Variants in SSBP3 observed in about 807,000 individuals in gnomAD.
The protein encoded by SSBP3 is single stranded DNA binding protein 3, also known as single-stranded DNA-binding protein 3.
SSBP3 carries 5 observed loss-of-function variants against 69.6 expected under a neutral mutation model. The ratio of observed to expected loss-of-function variants is 0.07; its 90% CI spans 0.04 to 0.15. SSBP3 has a LOEUF of 0.15. SSBP3 is among the 10% of genes least tolerant of loss of function. The pLI is 1.00. For missense variants in SSBP3, 312 were observed against 534.0 expected, an observed-to-expected ratio of 0.58 and a Z score of 4.10; for synonymous variants, 196 against 193.4, an observed-to-expected ratio of 1.01 and a Z score of -0.11.
chr1:54,261,780 G>A (rs1338247636), intron 5 of SSBP3, among the ~76,000 whole-genome samples: 2 of 152,202 alleles, frequency 1.3e-5, no homozygotes, highest in East Asian at 3.8e-4. Flanking sequence ...GATCAGGGCA[G>A]ATGGCACCCT....
chr1:54,305,221 G>C (rs968118276), intron 4 of SSBP3, among the ~76,000 whole-genome samples: 1 of 152,178 alleles, frequency 6.6e-6, no homozygotes, highest in Non-Finnish European at 1.5e-5. Context: ...CCTATGACGA[G>C]GAATAAAGAC....
intron 4 of SSBP3, among the ~76,000 whole-genome samples, chr1:54,313,126 G>C (rs1646034421): frequency 6.7e-6 from 1 of 149,584 alleles, no homozygotes; most frequent in Non-Finnish European, 1.5e-5. Context: ...GCTCTGATTT[G>C]TAGAAGTGAA....
At chr1:54,270,724 C>G (rs1645178472) in intron 5 of SSBP3, among the ~76,000 whole-genome samples, 3 of 152,196 alleles carry the variant, frequency 2.0e-5, no homozygotes, top group Admixed American at 2.0e-4. Context: ...TCTAAAGTCT[C>G]GAGAGCCAAC....
intron 5 of SSBP3, among the ~76,000 whole-genome samples, chr1:54,264,725 C>T (rs1354563194): frequency 6.6e-6 from 1 of 152,208 alleles, no homozygotes; most frequent in Non-Finnish European, 1.5e-5. Flanking sequence ...GACAGCTACC[C>T]AGACAGACGC....
chr1:54,310,832 G>T (rs1439821564), intron 4 of SSBP3, among the ~76,000 whole-genome samples: 1 of 152,180 alleles, frequency 6.6e-6, no homozygotes, highest in Non-Finnish European at 1.5e-5. Context: ...TGAGGATGGG[G>T]GGAGAACCAC....
At chr1:54,253,695 C>T (rs1644871108) in intron 7 of SSBP3, among the ~76,000 whole-genome samples, 1 of 152,188 alleles carries the variant, frequency 6.6e-6, no homozygotes, top group Admixed American at 6.5e-5. Flanking sequence ...GTCCTGGTGA[C>T]TCAGGAAGGC....
intron 4 of SSBP3, among the ~76,000 whole-genome samples, chr1:54,400,393 T>C: frequency 6.6e-6 from 1 of 151,926 alleles, no homozygotes; most frequent in East Asian, 1.9e-4. Flanking sequence ...AGATTTTTAC[T>C]AGGTAGAAAG....
chr1:54,337,853 G>A (rs57390456), intron 4 of SSBP3, among the ~76,000 whole-genome samples: 1 of 152,136 alleles, frequency 6.6e-6, no homozygotes, highest in Non-Finnish European at 1.5e-5. Context: ...ATCTGGCTGA[G>A]CATGGTGGCT....
chr1:54,339,162 G>GA (rs1050376980), intron 4 of SSBP3, among the ~76,000 whole-genome samples: 14 of 149,522 alleles, frequency 9.4e-5, no homozygotes, highest in Middle Eastern at 3.4e-3. Context: ...ATCTGTAACA[G>GA]AAAAAAAAAG....
At chr1:54,243,949 A>G (rs985521461) in intron 9 of SSBP3, among the ~76,000 whole-genome samples, 1 of 151,996 alleles carries the variant, frequency 6.6e-6, no homozygotes, top group Non-Finnish European at 1.5e-5. Flanking sequence ...TTGTTTGTTG[A>G]GATAGCGTCT....
intron 5 of SSBP3, among the ~76,000 whole-genome samples, chr1:54,279,833 T>C (rs897926712): frequency 2.0e-5 from 3 of 152,228 alleles, no homozygotes; most frequent in Non-Finnish European, 2.9e-5. Flanking sequence ...CCCCTCTGGC[T>C]ACTGCCTTTC....
chr1:54,247,878 A>G (rs1043675746), intron 9 of SSBP3, among the ~76,000 whole-genome samples: 4 of 152,176 alleles, frequency 2.6e-5, no homozygotes, highest in African/African-American at 7.2e-5. Flanking sequence ...GACATACATA[A>G]AACTTTTTAG....
At chr1:54,285,121 G>C (rs1282577672) in intron 4 of SSBP3, among the ~76,000 whole-genome samples, 2 of 152,220 alleles carry the variant, frequency 1.3e-5, no homozygotes, top group Admixed American at 1.3e-4. Flanking sequence ...TCGTCCTGCA[G>C]TGCTTAAATT....
intron 4 of SSBP3, among the ~76,000 whole-genome samples, chr1:54,291,809 C>G (rs1645613621): frequency 6.6e-6 from 1 of 152,254 alleles, no homozygotes; most frequent in Non-Finnish European, 1.5e-5. Flanking sequence ...CTGCTGCTGT[C>G]CATTCAGGCA....
chr1:54,294,964 A>C (rs1360928899), intron 4 of SSBP3, among the ~76,000 whole-genome samples: 1 of 152,114 alleles, frequency 6.6e-6, no homozygotes, highest in Non-Finnish European at 1.5e-5. Flanking sequence ...CTCCTCCACC[A>C]AACTAGGGAC....
chr1:54,385,483 C>T (rs1302099151), intron 4 of SSBP3, among the ~76,000 whole-genome samples: 2 of 152,076 alleles, frequency 1.3e-5, no homozygotes, highest in Non-Finnish European at 2.9e-5. Context: ...CTGCCCCCAA[C>T]CCCAAACACA....
chr1:54,347,656 T>C (rs567694953), intron 4 of SSBP3, among the ~76,000 whole-genome samples: 2 of 152,310 alleles, frequency 1.3e-5, no homozygotes, highest in African/African-American at 4.8e-5. Flanking sequence ...TGGGTCCTGA[T>C]GCAATGACTG....
intron 5 of SSBP3, among the ~76,000 whole-genome samples, chr1:54,262,374 C>T (rs1281030628): frequency 6.6e-6 from 1 of 152,148 alleles, no homozygotes; most frequent in East Asian, 1.9e-4. Context: ...GCCCATCATT[C>T]TACAAGACTG....
At chr1:54,411,876 AGC>A (rs1650002645) in intron 1 of SSBP3, among the ~76,000 whole-genome samples, 2 of 142,674 alleles carry the variant, frequency 1.4e-5, no homozygotes, top group Non-Finnish European at 3.0e-5. Flanking sequence ...TGGGGGACAG[AGC>A]GAGACTCCGT....
Sources: gnomAD v4.1 joint callset for allele counts (sites outside exome capture counted in the v4.1 genomes callset) on GRCh38, gnomAD v4.1.1 for gene constraint, MANE v1.5 for transcripts, NCBI Gene and HGNC (gene_info 2026-07-23, HGNC 2026-07-21) for gene names.